COL1A2: variants seen among roughly 807,000 people sequenced by gnomAD.
COL1A2 encodes the protein collagen alpha-2(I) chain.
Under a neutral mutation model 174.3 loss-of-function variants are expected in COL1A2, and 49 were observed. That is an observed-to-expected ratio of 0.28 (90% CI 0.22 to 0.36). The LOEUF (loss-of-function observed/expected upper bound fraction) is 0.36, where lower values mean the gene tolerates loss of function less well. Among genes scored for constraint, COL1A2 ranks in the 10% least tolerant of loss-of-function variants. The probability of loss-of-function intolerance (pLI) is 1.00; values close to 1 mark genes in which losing one functional copy is unlikely to be tolerated. For synonymous variants in COL1A2, 655 were observed against 606.6 expected (o/e 1.08, Z -1.17); for missense variants, 1,438 against 1,822.7 (o/e 0.79, Z 3.84).
intron 5 of COL1A2, among the ~76,000 whole-genome samples, 162 bp from the exon 6 acceptor site, chr7:94,401,405 A>C (rs1791684876): frequency 1.3e-5 from 2 of 152,186 alleles, no homozygotes; most frequent in Admixed American, 6.5e-5. Flanking sequence ...TTAGGAATTT[A>C]GTTCAATATA....
intron 4 of COL1A2, among the ~76,000 whole-genome samples, chr7:94,399,727 T>G (rs749481810): frequency 6.6e-6 from 1 of 152,242 alleles, no homozygotes; most frequent in Non-Finnish European, 1.5e-5. Context: ...TAGTTAATGA[T>G]AGTAAATCTG....
At chr7:94,418,153 C>A (rs2115922974) in intron 32 of COL1A2, among the ~76,000 whole-genome samples, 1 of 152,290 alleles carries the variant, frequency 6.6e-6, no homozygotes, top group South Asian at 2.1e-4. Context: ...CATGCTGCTG[C>A]ATTAGTTATG....
Position 94,423,064 on chromosome 7 carries a change from T to C in COL1A2, c.2511T>C (p.Val837=). ...PVGRTGEVGA[V]GPPGFAGEKG... is the part of the protein sequence containing the mutation. ...GCCGAACTGGAGAAGTAGGTGCAGT[T>C]GGTCCCCCTGGCTTCGCTGGTGAGA... Residue 837 remains valine, a synonymous_variant, in exon 40 of 52, where the codon GTT becomes GTC. Transcript: ENST00000297268. 6.2e-7 allele frequency: 1 copy of C among 1,614,204 alleles called. No individual in the cohort carries two copies. The highest frequency in any genetic ancestry group is 8.5e-7 in the Non-Finnish European group (1 of 1,180,036).
At position 94,409,720 on chromosome 7, in the gene COL1A2, C is replaced by T. The variant is rs42519; in HGVS notation, c.937-3C>T. On this transcript the variant is annotated splice_region_variant and splice_polypyrimidine_tract_variant and intron_variant, in intron 18 of 51. Coordinates refer to ENST00000297268, the MANE Select transcript of COL1A2 (RefSeq NM_000089.4). ...ATGGACCACACTGCATTTTCCTTCA[C>T]AGGGCCTTCCCGGCGTTGCTGGGGC... 1,245,108 of 1,613,902 alleles carry T rather than the reference C, an allele frequency of 0.77. 483,060 individuals carry two copies. Among genetic ancestry groups the T allele is most frequent in the East Asian group, 0.94 (41,959 of 44,846 alleles).
At position 94,408,360 on chromosome 7, in the gene COL1A2, G is replaced by C. The variant is rs775599249; in HGVS notation, c.718G>C (p.Val240Leu). 18 of 1,614,036 alleles carry C rather than the reference G, an allele frequency of 1.1e-5. No individual in the cohort carries two copies. The South Asian group carries it at 2.0e-4, about 18-fold the overall frequency. The change falls in exon 15 of 52, where the codon GTG becomes CTG. Residue 240 changes from valine (V) to leucine (L), a missense_variant. Physicochemically the swap from Val to Leu is conservative, Grantham distance 32. Coordinates refer to ENST00000297268, the MANE Select transcript of COL1A2 (RefSeq NM_000089.4). ...PAGARGSDGS[V>L]GPVGPAGPIG... ...GGGTGCCCGTGGCAGTGATGGAAGTGTGGGTCCCGTGGGTCCTGCTGTAAG... is the reference window on the plus strand; with the variant it reads ...GGGTGCCCGTGGCAGTGATGGAAGTCTGGGTCCCGTGGGTCCTGCTGTAAG...
At chr7:94,404,631 T>C (rs1377830134) in intron 7 of COL1A2, 31 bp downstream of exon 7, 8 of 1,614,152 alleles carry the variant, frequency 5.0e-6, no homozygotes, top group Middle Eastern at 1.7e-4. Flanking sequence ...ATGCCTCTTA[T>C]GTAAAAAGAC....
At chr7:94,430,070 C>A in intron 51 of COL1A2, 177 bp from the exon 52 acceptor site, 1 of 649,026 alleles carries the variant, frequency 1.5e-6, no homozygotes, top group Non-Finnish European at 2.7e-6. Flanking sequence ...GATAGGGAGC[C>A]CCTCCCACTA....
chr7:94,412,158 C>T (rs1420779754), intron 24 of COL1A2, 37 bp downstream of exon 24: 1 of 1,543,898 alleles, frequency 6.5e-7, no homozygotes, highest in Non-Finnish European at 8.9e-7. Context: ...TTTTCAAGGA[C>T]ACTTATTGCA....
At position 94,420,695 on chromosome 7, in the gene COL1A2, C is replaced by T. The variant is rs202165466; in HGVS notation, c.2295+47C>T. On this transcript the variant is annotated intron_variant, in intron 37 of 51. Coordinates refer to ENST00000297268, the MANE Select transcript of COL1A2 (RefSeq NM_000089.4). Reference sequence around the variant, plus strand: ...TCCACACAGCAGCTACCCATTAGATCTTCCAATTAAATATATATCCGTCAA... The same window carrying T: ...TCCACACAGCAGCTACCCATTAGATTTTCCAATTAAATATATATCCGTCAA... 7.0e-4 allele frequency: 1,046 copies of T among 1,491,824 alleles called. 6 individuals carry two copies. The African/African-American group carries it at 0.013, about 18-fold the overall frequency. 92.4% of individuals were successfully genotyped at this position (1,491,824 alleles called of 1,614,324 possible). A position where few individuals can be genotyped will look rare whatever the true frequency, so the allele number is the denominator to read the frequency against.
At chr7:94,422,642 A>G in intron 39 of COL1A2, 1 of 300,556 alleles carries the variant, frequency 3.3e-6, no homozygotes, top group Non-Finnish European at 6.3e-6. Context: ...TTCATTTATC[A>G]TTAACTCCTA....
At chr7:94,410,571 A>G in intron 21 of COL1A2, 44 bp downstream of exon 21, 1 of 1,459,072 alleles carries the variant, frequency 6.9e-7, no homozygotes, top group South Asian at 1.2e-5. Flanking sequence ...CCAGAGGCAG[A>G]TTATGATACC....
intron 37 of COL1A2, 170 bp from the exon 38 acceptor site, chr7:94,420,839 C>A: frequency 3.4e-6 from 3 of 869,646 alleles, no homozygotes; most frequent in East Asian, 2.6e-5. Context: ...TATTTTAATT[C>A]TCTGATAACC....
In COL1A2 at chr7:94,413,618, C is replaced by T. The variant is rs77063844; in HGVS notation, c.1558-72C>T. On this transcript the variant is annotated intron_variant, in intron 26 of 51. Transcript: ENST00000297268. The stretch of plus-strand genomic sequence containing the variant: ...ACAAACTTGTTTTAAGGAAGTAATA[C>T]CTGAGGCTTTGAGACATCTTAAACT... The T allele has an allele frequency of 2.3e-3, 3,252 of 1,415,644 alleles. 64 individuals carry two copies. In the African/African-American group the frequency reaches 0.041, roughly 18 times the overall value. 87.7% of individuals were successfully genotyped at this position (1,415,644 alleles called of 1,614,324 possible). A position where few individuals can be genotyped will look rare whatever the true frequency, so the allele number is the denominator to read the frequency against.
chr7:94,410,755 GT>G (rs1305647427), intron 21 of COL1A2, 133 bp from the exon 22 acceptor site: 1 of 1,020,044 alleles, frequency 9.8e-7, no homozygotes, highest in Non-Finnish European at 1.5e-6. Context: ...TCCTCTAGGG[GT>G]TGGGTGAAGT....
Position 94,409,497 on chromosome 7 carries a change from A to T in COL1A2, c.892-67A>T, listed in dbSNP as rs138992045. The T allele has an allele frequency of 4.7e-4, 750 of 1,611,074 alleles. 4 individuals carry two copies. In the East Asian group the frequency reaches 0.012, roughly 25 times the overall value. On this transcript the variant is annotated intron_variant, in intron 17 of 51. Transcript: ENST00000297268. ...AGTATGGGGAAGAAGAAGAATGAAG[A>T]TGGGGTCAAAGAAGAACCGAAATAT...
chr7:94,409,961 A>G (rs1791884200), intron 19 of COL1A2, 140 bp downstream of exon 19: 3 of 869,240 alleles, frequency 3.5e-6, no homozygotes, highest in African/African-American at 3.4e-5. Context: ...TTTCTTATAT[A>G]TATATGTACA....
chr7:94,403,454 T>C (rs1791730781), intron 6 of COL1A2, among the ~76,000 whole-genome samples: 2 of 152,158 alleles, frequency 1.3e-5, no homozygotes, highest in Non-Finnish European at 2.9e-5. Context: ...ACATTTTATG[T>C]AAATGAAATT....
Position 94,400,102 on chromosome 7 carries a change from A to G in COL1A2, c.133-94A>G, listed in dbSNP as rs540296342. 6.7e-5 allele frequency: 76 copies of G among 1,139,614 alleles called. 1 individual carries two copies. In the South Asian group the frequency reaches 8.9e-4, roughly 13 times the overall value. The allele number at this position is 1,139,614 out of a possible 1,614,324, so 70.6% of individuals were successfully genotyped here. On this transcript the variant is annotated intron_variant, in intron 4 of 51. Coordinates refer to ENST00000297268, the MANE Select transcript of COL1A2 (RefSeq NM_000089.4). Reference sequence around the variant, plus strand: ...TATTAAATTTCCACCCTACTTGCACATAGAAAGGTCTGAACAACTGATCTT... The same window carrying G: ...TATTAAATTTCCACCCTACTTGCACGTAGAAAGGTCTGAACAACTGATCTT...
rs772473302 is a variant in COL1A2, at chr7:94,408,358, G to A, written c.716G>A (p.Ser239Asn). The change falls in exon 15 of 52, where the codon AGT (serine) becomes AAT (asparagine). Residue 239 changes from serine (S) to asparagine (N), a missense_variant. Physicochemically the swap from Ser to Asn is conservative, Grantham distance 46. Transcript: ENST00000297268. ...TAGGGTGCCCGTGGCAGTGATGGAA[G>A]TGTGGGTCCCGTGGGTCCTGCTGTA... ...GPAGARGSDG[S>N]VGPVGPAGPI... is the part of the protein sequence containing the mutation. 5 of 1,614,182 alleles carry A rather than the reference G, an allele frequency of 3.1e-6. No homozygotes were observed. In the South Asian group the frequency reaches 5.5e-5, roughly 18 times the overall value.
Sources: allele counts gnomAD v4.1 joint callset (sites outside exome capture counted in the v4.1 genomes callset), GRCh38; gene constraint gnomAD v4.1.1; transcripts MANE v1.5; gene names NCBI Gene and HGNC (gene_info 2026-07-23, HGNC 2026-07-21).